Variants in RPRD2 observed in about 807,000 individuals in gnomAD.
The protein encoded by RPRD2 is regulation of nuclear pre-mRNA domain-containing protein 2.
In RPRD2, 12 loss-of-function variants were observed where a neutral mutation model predicts 104.4. The ratio of observed to expected loss-of-function variants is 0.11; its 90% CI spans 0.07 to 0.19. RPRD2 has a LOEUF of 0.19. RPRD2 is among the 10% of genes least tolerant of loss of function. The probability of loss-of-function intolerance (pLI) is 1.00; values close to 1 mark genes in which losing one functional copy is unlikely to be tolerated. For synonymous variants in RPRD2, 714 were observed against 684.9 expected (o/e 1.04, Z -0.66); for missense variants, 1,543 against 1,790.1 (o/e 0.86, Z 2.49).
At chr1:150,367,182 A>T (rs768409003) in intron 1 of RPRD2, among the ~76,000 whole-genome samples, 46 of 152,208 alleles carry the variant, frequency 3.0e-4, no homozygotes, top group Non-Finnish European at 6.0e-4. Context: ...TAAAATGATT[A>T]AGGGTAATTT....
At position 150,457,398 on chromosome 1, in the gene RPRD2, C is replaced by T. The variant is rs782444318; in HGVS notation, c.981C>T (p.Asp327=). 1.4e-5 allele frequency: 23 copies of T among 1,613,782 alleles called. No homozygotes were observed. Among genetic ancestry groups the T allele is most frequent in the Admixed American group, 8.3e-5 (5 of 59,994 alleles). Residue 327 remains aspartate, a synonymous_variant, in exon 8 of 11, where the codon GAC becomes GAT. Transcript: ENST00000369068. ...CACCAGTTCCTTCCCCAAGCATGGA[C>T]GCTCCCTCCCCGACTGGTTCTGAGT... The part of the protein sequence containing the change: ...EESPVPSPSM[D]APSPTGSESP...
chr1:150,449,121 G>A (rs1348323720), intron 7 of RPRD2, among the ~76,000 whole-genome samples: 9 of 152,054 alleles, frequency 5.9e-5, no homozygotes, highest in African/African-American at 2.2e-4. Context: ...GAAAGAAAAG[G>A]AAAAATACAT....
intron 1 of RPRD2, among the ~76,000 whole-genome samples, chr1:150,385,005 C>T (rs1190532633): frequency 6.6e-6 from 1 of 151,918 alleles, no homozygotes; most frequent in Non-Finnish European, 1.5e-5. Flanking sequence ...CCAGCCTGGG[C>T]AACATAGCAA....
At chr1:150,453,176 G>A (rs1667313621) in intron 7 of RPRD2, among the ~76,000 whole-genome samples, 1 of 151,838 alleles carries the variant, frequency 6.6e-6, no homozygotes, top group Admixed American at 6.6e-5. Context: ...GGTACTACAG[G>A]CGCACACCAC....
At chr1:150,403,378 G>A (rs970022503) in intron 1 of RPRD2, among the ~76,000 whole-genome samples, 3 of 151,918 alleles carry the variant, frequency 2.0e-5, no homozygotes, top group Non-Finnish European at 2.9e-5. Context: ...TCAGAACTTC[G>A]TCTCACTTTC....
chr1:150,394,666 A>C (rs1284458745), intron 1 of RPRD2, among the ~76,000 whole-genome samples: 1 of 151,970 alleles, frequency 6.6e-6, no homozygotes, highest in Non-Finnish European at 1.5e-5. Flanking sequence ...ATCTCGGCTC[A>C]CTGCAACCTC....
At position 150,471,486 on chromosome 1, in the gene RPRD2, G is replaced by A; in HGVS notation, c.2538G>A (p.Met846Ile). 1 of 1,613,772 alleles carries A rather than the reference G, an allele frequency of 6.2e-7. No homozygotes were observed. The highest frequency in any genetic ancestry group is 8.5e-7 in the Non-Finnish European group (1 of 1,179,850). ...ATTCAGGGCCTCCACCCTCTGCCAT[G>A]ATGAACCTAGAGAAGAAACCAGCCA... ...FEYSGPPPSA[M>I]MNLEKKPAKS... The change falls in exon 11 of 11, where the codon ATG becomes ATA. Residue 846 changes from methionine (M) to isoleucine (I), a missense_variant. Met to Ile is a conservative substitution (Grantham distance 10). Transcript: ENST00000369068. The surrounding 1 kb of genome is among the most constrained non-coding windows in gnomAD (Gnocchi z 5.3).
chr1:150,369,359 T>G (rs1311571766), intron 1 of RPRD2, among the ~76,000 whole-genome samples: 2 of 150,102 alleles, frequency 1.3e-5, no homozygotes, highest in Non-Finnish European at 3.0e-5. Flanking sequence ...CTCCGCTCAC[T>G]GCAACCTCCG....
At chr1:150,425,611 C>G (rs1359412602) in intron 2 of RPRD2, among the ~76,000 whole-genome samples, 1 of 151,542 alleles carries the variant, frequency 6.6e-6, no homozygotes, top group Non-Finnish European at 1.5e-5. Flanking sequence ...TCATTGCACT[C>G]CAGCCTGGGC....
At chr1:150,389,402 A>G (rs1055380161) in intron 1 of RPRD2, among the ~76,000 whole-genome samples, 2 of 152,106 alleles carry the variant, frequency 1.3e-5, no homozygotes, top group Admixed American at 6.6e-5. Context: ...AATGTCCCTC[A>G]ATGTGGGTTT....
chr1:150,469,794 C>G (rs1418515391), intron 10 of RPRD2, among the ~76,000 whole-genome samples: 1 of 152,118 alleles, frequency 6.6e-6, no homozygotes, highest in African/African-American at 2.4e-5. Context: ...CCATCATTGT[C>G]AATCTGGACT....
intron 1 of RPRD2, among the ~76,000 whole-genome samples, chr1:150,388,479 C>CTA (rs151138923): frequency 0.049 from 6,230 of 128,064 alleles, 339 homozygotes; most frequent in African/African-American, 0.13. Context: ...TACACATACA[C>CTA]TATATATATA....
chr1:150,435,804 G>A (rs1191087432), intron 2 of RPRD2, among the ~76,000 whole-genome samples: 2 of 152,228 alleles, frequency 1.3e-5, no homozygotes, highest in Non-Finnish European at 2.9e-5. Flanking sequence ...GGTGGCTCCA[G>A]TAATCAGCAG....
At position 150,471,095 on chromosome 1, in the gene RPRD2, C is replaced by T. The variant is rs1668559843; in HGVS notation, c.2147C>T (p.Ser716Leu). 1 of 1,613,994 alleles carries T rather than the reference C, an allele frequency of 6.2e-7. No individual in the cohort carries two copies. The highest frequency in any genetic ancestry group is 1.1e-5 in the South Asian group (1 of 91,074). ...SDFQRGPTSTSIDNIDGTPVR... is the reference protein window; with the variant it reads ...SDFQRGPTSTLIDNIDGTPVR... ...TTCCAGCGTGGCCCTACTAGCACCT[C>T]AATCGACAACATTGATGGAACCCCT... Residue 716 changes from serine (S) to leucine (L), a missense_variant, in exon 11 of 11, where the codon TCA becomes TTA. This residue lies in a region of RPRD2 where 572 missense variants were observed against 787.3 expected (regional missense o/e 0.73). Transcript: ENST00000369068. This position sits in a 1 kb window ranked among gnomAD's most constrained non-coding sequence, Gnocchi z 5.3.
At chr1:150,449,780 A>G (rs1485659592) in intron 7 of RPRD2, among the ~76,000 whole-genome samples, 1 of 152,152 alleles carries the variant, frequency 6.6e-6, no homozygotes, top group Non-Finnish European at 1.5e-5. Context: ...TAATTCACCC[A>G]TAACAAATGG....
At chr1:150,373,185 T>A (rs1660446782) in intron 1 of RPRD2, among the ~76,000 whole-genome samples, 1 of 152,114 alleles carries the variant, frequency 6.6e-6, no homozygotes, top group Admixed American at 6.5e-5. Flanking sequence ...AGCTAATTTT[T>A]GTATTTTTAG....
chr1:150,451,343 A>G (rs1667156299), intron 7 of RPRD2, among the ~76,000 whole-genome samples: 1 of 152,064 alleles, frequency 6.6e-6, no homozygotes, highest in African/African-American at 2.4e-5. Flanking sequence ...AGGCTTGTCC[A>G]TTATAAAGTT....
At chr1:150,384,477 T>TATTATG (rs1553881423) in intron 1 of RPRD2, among the ~76,000 whole-genome samples, 2 of 148,226 alleles carry the variant, frequency 1.3e-5, no homozygotes, top group Non-Finnish European at 3.0e-5. Context: ...TTATTATTAT[T>TATTATG]ATTATTATTA....
intron 7 of RPRD2, among the ~76,000 whole-genome samples, chr1:150,448,551 T>TA (rs1455429565): frequency 1.3e-5 from 2 of 152,226 alleles, no homozygotes; most frequent in African/African-American, 4.8e-5. Flanking sequence ...TTTGCTACTC[T>TA]AAAGGTTGAA....
Sources: gnomAD v4.1 joint callset for allele counts (sites outside exome capture counted in the v4.1 genomes callset) on GRCh38, gnomAD v4.1.1 for gene constraint, gnomAD v4.1.1 regional missense constraint, Gnocchi (gnomAD v3.1) non-coding constraint, MANE v1.5 for transcripts, NCBI Gene and HGNC (gene_info 2026-07-23, HGNC 2026-07-21) for gene names.